COL25A1: variants seen among roughly 807,000 people sequenced by gnomAD.
COL25A1 encodes collagen alpha-1(XXV) chain.
In COL25A1, 103 loss-of-function variants were observed where a neutral mutation model predicts 128.4. That is an observed-to-expected ratio of 0.80 (90% CI 0.68 to 0.94). The LOEUF (loss-of-function observed/expected upper bound fraction) is 0.94, where lower values mean the gene tolerates loss of function less well. COL25A1 is among the 40% of genes least tolerant of loss of function. COL25A1 has a pLI of 0.00. For synonymous variants in COL25A1, 279 were observed against 277.2 expected, an observed-to-expected ratio of 1.01 and a Z score of -0.06; for missense variants, 745 against 840.0, an observed-to-expected ratio of 0.89 and a Z score of 1.40.
chr4:109,051,671 C>A (rs1387089130), intron 3 of COL25A1, among the ~76,000 whole-genome samples: 1 of 149,300 alleles, frequency 6.7e-6, no homozygotes. Context: ...ATATATAAAA[C>A]TTCCTTAAGA....
intron 35 of COL25A1, among the ~76,000 whole-genome samples, chr4:108,820,733 A>AG (rs1731693954): frequency 6.6e-6 from 1 of 151,306 alleles, no homozygotes; most frequent in African/African-American, 2.4e-5. Flanking sequence ...AAAAAAAAAA[A>AG]TCTGTTCAGG....
At chr4:108,876,509 A>G (rs920150134) in intron 19 of COL25A1, among the ~76,000 whole-genome samples, 5 of 152,186 alleles carry the variant, frequency 3.3e-5, no homozygotes, top group South Asian at 4.1e-4. Context: ...CTCTTGGGAC[A>G]AACAGAATAA....
At chr4:109,114,666 G>A (rs1277059476) in intron 3 of COL25A1, among the ~76,000 whole-genome samples, 2 of 152,040 alleles carry the variant, frequency 1.3e-5, no homozygotes, top group East Asian at 3.9e-4. Flanking sequence ...GAATATCAAC[G>A]TGACATACGG....
chr4:108,827,185 C>A lies in COL25A1; in HGVS notation c.1714G>T (p.Glu572Ter), dbSNP rs530620467. 3 of 1,613,864 alleles carry A rather than the reference C, an allele frequency of 1.9e-6. No homozygotes were observed. In the South Asian group the frequency reaches 3.3e-5, roughly 18 times the overall value. Residue 572 changes from glutamate (E) to a stop codon, truncating the protein, a stop_gained, in exon 33 of 38, where the codon GAA becomes TAA. Coordinates refer to ENST00000399132, the MANE Select transcript of COL25A1 (RefSeq NM_198721.4). LOFTEE classifies it high-confidence loss of function. Reference sequence around the variant, plus strand: ...CCAGGCTCTCCCATAGCTCCTTTTTCACCCTAAAATGAAAAGTAGAAAGTT... The same window carrying A: ...CCAGGCTCTCCCATAGCTCCTTTTTAACCCTAAAATGAAAAGTAGAAAGTT... ...GPAGPKGERG[E>*]KGAMGEPGPR...
chr4:109,154,643 G>A (rs775005287), intron 3 of COL25A1, among the ~76,000 whole-genome samples: 2 of 152,084 alleles, frequency 1.3e-5, no homozygotes, highest in African/African-American at 2.4e-5. Context: ...TGAAGACACC[G>A]CCTAACACGA....
In COL25A1 at chr4:109,215,538, G is replaced by A. The variant is rs1777916357; in HGVS notation, c.367+85045C>T. On this transcript the variant is annotated intron_variant, in intron 3 of 37. Transcript: ENST00000399132. Reference sequence around the variant, plus strand: ...TTAGTCAGTAAGATATAAGTATGTAGAATATGTCTTTAAAACAACTAATTA... The same window carrying A: ...TTAGTCAGTAAGATATAAGTATGTAAAATATGTCTTTAAAACAACTAATTA... Among the ~76,000 whole-genome samples, 3 of 152,118 alleles carry A rather than the reference G, an allele frequency of 2.0e-5. No individual in the cohort carries two copies. In the South Asian group the frequency reaches 6.2e-4, roughly 32 times the overall value.
intron 3 of COL25A1, among the ~76,000 whole-genome samples, chr4:109,185,727 T>C (rs1030588703): frequency 2.0e-5 from 3 of 152,138 alleles, no homozygotes; most frequent in South Asian, 2.1e-4. Context: ...ACAGGATTAG[T>C]GTCCTTATAA....
chr4:109,112,412 T>C (rs1385662889), intron 3 of COL25A1, among the ~76,000 whole-genome samples: 1 of 152,158 alleles, frequency 6.6e-6, no homozygotes, highest in Non-Finnish European at 1.5e-5. Flanking sequence ...TGGTGGATTA[T>C]GGAATGAAAA....
At chr4:109,171,253 T>C (rs1446273441) in intron 3 of COL25A1, among the ~76,000 whole-genome samples, 1 of 152,180 alleles carries the variant, frequency 6.6e-6, no homozygotes, top group Non-Finnish European at 1.5e-5. Flanking sequence ...TCTCACTTCA[T>C]TGACTTATAA....
At chr4:109,144,165 C>T (rs1374423389) in intron 3 of COL25A1, among the ~76,000 whole-genome samples, 1 of 152,194 alleles carries the variant, frequency 6.6e-6, no homozygotes, top group Non-Finnish European at 1.5e-5. Context: ...TGCTGCAGGT[C>T]TGCTGGAGTT....
At chr4:109,239,278 G>A (rs1779677223) in intron 3 of COL25A1, among the ~76,000 whole-genome samples, 1 of 149,094 alleles carries the variant, frequency 6.7e-6, no homozygotes, top group Non-Finnish European at 1.5e-5. Context: ...GCTATACTAT[G>A]TATAATAGCT....
intron 5 of COL25A1, among the ~76,000 whole-genome samples, chr4:109,017,347 A>G (rs1392133828): frequency 6.6e-6 from 1 of 152,218 alleles, no homozygotes; most frequent in Non-Finnish European, 1.5e-5. Context: ...GCATGAGCTG[A>G]GCACAGCCTG....
chr4:108,826,864 T>C (rs1358350070), intron 33 of COL25A1, among the ~76,000 whole-genome samples: 1 of 152,148 alleles, frequency 6.6e-6, no homozygotes. Flanking sequence ...GTTAGGATCC[T>C]GTTCTCGAGT....
chr4:109,137,210 G>C (rs918477049), intron 3 of COL25A1, among the ~76,000 whole-genome samples: 1 of 152,176 alleles, frequency 6.6e-6, no homozygotes, highest in African/African-American at 2.4e-5. Context: ...TTGCTGAAGA[G>C]TTTTAAGCAG....
intron 8 of COL25A1, among the ~76,000 whole-genome samples, chr4:108,968,782 A>T (rs1242966745): frequency 6.6e-6 from 1 of 152,172 alleles, no homozygotes; most frequent in Non-Finnish European, 1.5e-5. Flanking sequence ...TATTCCAATG[A>T]AATATCTCAT....
At chr4:108,916,613 A>G (rs1461344411) in intron 13 of COL25A1, among the ~76,000 whole-genome samples, 1 of 152,200 alleles carries the variant, frequency 6.6e-6, no homozygotes, top group Non-Finnish European at 1.5e-5. Flanking sequence ...AACAACATTT[A>G]TGCCATATCT....
At chr4:108,927,754 A>G (rs967710966) in intron 11 of COL25A1, among the ~76,000 whole-genome samples, 6 of 152,116 alleles carry the variant, frequency 3.9e-5, no homozygotes, top group Non-Finnish European at 2.9e-5. Flanking sequence ...TGATTCATTT[A>G]TTGGTGTTTC....
intron 5 of COL25A1, among the ~76,000 whole-genome samples, chr4:109,030,563 G>A (rs1758745955): frequency 6.6e-6 from 1 of 152,202 alleles, no homozygotes; most frequent in African/African-American, 2.4e-5. Flanking sequence ...AGTGACTAAT[G>A]TAGTGAATTA....
chr4:109,069,677 G>A (rs748059111), intron 3 of COL25A1, among the ~76,000 whole-genome samples: 17 of 152,154 alleles, frequency 1.1e-4, no homozygotes, highest in Non-Finnish European at 2.1e-4. Flanking sequence ...GAATTGGGAC[G>A]TGCAGTGCAA....
Sources: gnomAD v4.1 joint callset for allele counts (sites outside exome capture counted in the v4.1 genomes callset) on GRCh38, gnomAD v4.1.1 for gene constraint, MANE v1.5 for transcripts, NCBI Gene and HGNC (gene_info 2026-07-23, HGNC 2026-07-21) for gene names.